The following PRCP variants were observed in gnomAD, a reference collection of about 807,000 sequenced individuals.
PRCP encodes lysosomal Pro-X carboxypeptidase.
In PRCP, 46 loss-of-function variants were observed where a neutral mutation model predicts 54.2. The observed-to-expected ratio is 0.85, with a 90% confidence interval of 0.67 to 1.09. The LOEUF (loss-of-function observed/expected upper bound fraction) is 1.09. Among genes scored for constraint, PRCP ranks in the 50% least tolerant of loss-of-function variants. The pLI is 0.00. For synonymous variants in PRCP, 240 were observed against 212.2 expected (o/e 1.13, Z -1.14); for missense variants, 613 against 596.8 (o/e 1.03, Z -0.28).
chr11:82,876,502 T>C (rs1371584640), intron 1 of PRCP, among the ~76,000 whole-genome samples: 2 of 152,230 alleles, frequency 1.3e-5, no homozygotes, highest in African/African-American at 4.8e-5. Context: ...ACTTGAATTG[T>C]ATCTCCCAGA....
intron 2 of PRCP, among the ~76,000 whole-genome samples, chr11:82,857,164 C>T (rs1859112029): frequency 6.6e-6 from 1 of 151,970 alleles, no homozygotes; most frequent in South Asian, 2.1e-4. Flanking sequence ...AACAAACAAG[C>T]ATACTAAACT....
chr11:82,854,897 A>G (rs1482296491), intron 2 of PRCP, among the ~76,000 whole-genome samples: 1 of 152,246 alleles, frequency 6.6e-6, no homozygotes, highest in Non-Finnish European at 1.5e-5. Context: ...TCTTAAATAA[A>G]GTCAACAATA....
intron 1 of PRCP, among the ~76,000 whole-genome samples, chr11:82,889,142 T>C (rs1213850570): frequency 1.3e-5 from 2 of 152,100 alleles, no homozygotes; most frequent in Middle Eastern, 3.4e-3. Context: ...GAAAGATCAC[T>C]TGAGGCCAGA....
Position 82,830,170 on chromosome 11 carries a change from T to C in PRCP, c.1275-5048A>G, listed in dbSNP as rs368625957. 1.1e-3 allele frequency: 175 copies of C among 152,202 alleles called. 1 individual carries two copies. The highest frequency in any genetic ancestry group is 4.0e-3 in the African/African-American group (167 of 41,516). 9.4% of individuals were successfully genotyped at this position (152,202 alleles called of 1,614,324 possible). On this transcript the variant is annotated intron_variant, in intron 8 of 8. Coordinates refer to ENST00000313010, the MANE Select transcript of PRCP (RefSeq NM_005040.4). ...GAAAATAAATAAACTATAAATACTA[T>C]ACAAATGTGCGATGTCATTATAGTT...
intron 2 of PRCP, among the ~76,000 whole-genome samples, chr11:82,855,106 T>G (rs1297380909): frequency 6.6e-6 from 1 of 152,202 alleles, no homozygotes; most frequent in Non-Finnish European, 1.5e-5. Flanking sequence ...AATACCATTC[T>G]GGACATCAGC....
intron 1 of PRCP, among the ~76,000 whole-genome samples, chr11:82,866,099 G>A (rs1859328304): frequency 6.6e-6 from 1 of 152,152 alleles, no homozygotes; most frequent in Admixed American, 6.5e-5. Context: ...TCTTTATTAT[G>A]TCAAGGCCTT....
At chr11:82,850,194 A>C in intron 4 of PRCP, 123 bp from the exon 5 acceptor site, 1 of 967,520 alleles carries the variant, frequency 1.0e-6, no homozygotes, top group African/African-American at 1.7e-5. Flanking sequence ...GAAAAATAAC[A>C]CAGCTGTTAA....
chr11:82,859,242 T>C (rs952964228), intron 2 of PRCP, among the ~76,000 whole-genome samples: 3 of 152,208 alleles, frequency 2.0e-5, no homozygotes, highest in Non-Finnish European at 2.9e-5. Flanking sequence ...ATAGAAAATA[T>C]AGTCAGGGAA....
chr11:82,861,252 G>C (rs1859202458), intron 1 of PRCP, among the ~76,000 whole-genome samples: 1 of 152,168 alleles, frequency 6.6e-6, no homozygotes, highest in African/African-American at 2.4e-5. Context: ...AGTTAATAAA[G>C]AAGAGCTGTG....
intron 8 of PRCP, among the ~76,000 whole-genome samples, chr11:82,833,532 T>G (rs1858443674): frequency 6.6e-6 from 1 of 152,182 alleles, no homozygotes; most frequent in Non-Finnish European, 1.5e-5. Context: ...GAAGATAGTG[T>G]GGCAATTCCT....
intron 1 of PRCP, among the ~76,000 whole-genome samples, chr11:82,892,809 T>G (rs1860034908): frequency 6.6e-6 from 1 of 152,218 alleles, no homozygotes; most frequent in Admixed American, 6.5e-5. Context: ...ATTACAAAAT[T>G]TTCAGTGTTT....
intron 1 of PRCP, among the ~76,000 whole-genome samples, chr11:82,861,988 A>G (rs1859215956): frequency 1.3e-5 from 2 of 152,140 alleles, no homozygotes; most frequent in African/African-American, 2.4e-5. Context: ...CATGATACTC[A>G]AGGGAAAGGC....
At chr11:82,825,496 G>A (rs1050665820) in intron 8 of PRCP, 16 of 227,172 alleles carry the variant, frequency 7.0e-5, no homozygotes, top group South Asian at 1.7e-4. Flanking sequence ...CATGCCAGGC[G>A]CAGTGGCTCA....
intron 1 of PRCP, among the ~76,000 whole-genome samples, chr11:82,893,042 C>G (rs1860039664): frequency 6.6e-6 from 1 of 152,152 alleles, no homozygotes. Flanking sequence ...CACTACAAAG[C>G]CAATACTTTT....
intron 1 of PRCP, among the ~76,000 whole-genome samples, chr11:82,899,097 A>G (rs7104905): frequency 0.55 from 83,376 of 152,156 alleles, 23,704 homozygotes; most frequent in African/African-American, 0.7. Context: ...AGTGGCTCAC[A>G]CCTGTAATCC....
intron 8 of PRCP, among the ~76,000 whole-genome samples, chr11:82,837,973 T>C (rs1858566554): frequency 1.3e-5 from 2 of 152,198 alleles, no homozygotes; most frequent in Admixed American, 6.5e-5. Context: ...GTTGTGAGGA[T>C]TTAACCAGGT....
rs1207343511 is a variant in PRCP at position 82,822,990 on chromosome 11, T to A, written c.*1916A>T. Among the ~76,000 whole-genome samples the A allele has an allele frequency of 1.3e-5, 2 of 152,220 alleles. No individual in the cohort carries two copies. Among genetic ancestry groups the A allele is most frequent in the Non-Finnish European group, 2.9e-5 (2 of 68,032 alleles). ...TTTATTAGAGGGATGCTTTAAATAATAAGGCTTATCTGACACTCCAATTCT... is the reference window on the plus strand; with the variant it reads ...TTTATTAGAGGGATGCTTTAAATAAAAAGGCTTATCTGACACTCCAATTCT... On this transcript the variant is annotated 3_prime_UTR_variant, in exon 9 of 9. Transcript: ENST00000313010.
intron 1 of PRCP, among the ~76,000 whole-genome samples, chr11:82,880,314 C>T (rs1859715404): frequency 6.6e-6 from 1 of 152,236 alleles, no homozygotes; most frequent in African/African-American, 2.4e-5. Context: ...GTGAGCGAGG[C>T]TCTGTGGGTG....
intron 8 of PRCP, among the ~76,000 whole-genome samples, chr11:82,831,945 A>G (rs1449029587): frequency 6.6e-6 from 1 of 151,620 alleles, no homozygotes; most frequent in East Asian, 1.9e-4. Flanking sequence ...TTCAACTCAC[A>G]CTTATGAGTG....
Sources: allele counts gnomAD v4.1 joint callset (sites outside exome capture counted in the v4.1 genomes callset), GRCh38; gene constraint gnomAD v4.1.1; transcripts MANE v1.5; gene names NCBI Gene and HGNC (gene_info 2026-07-23, HGNC 2026-07-21).